The following DENND4C variants were observed in gnomAD, a reference collection of about 807,000 sequenced individuals.
The protein encoded by DENND4C is DENN domain containing 4C.
Under a neutral mutation model 203.0 loss-of-function variants are expected in DENND4C, and 108 were observed. That is an observed-to-expected ratio of 0.53 (90% CI 0.46 to 0.62). The LOEUF is 0.62. DENND4C is among the 20% of genes least tolerant of loss of function. DENND4C has a pLI of 0.00. For missense variants in DENND4C, 2,481 were observed against 2,301.2 expected, an observed-to-expected ratio of 1.08 and a Z score of -1.60; for synonymous variants, 871 against 792.4, an observed-to-expected ratio of 1.10 and a Z score of -1.67.
intron 1 of DENND4C, among the ~76,000 whole-genome samples, chr9:19,267,413 A>G (rs777528103): frequency 1.3e-5 from 2 of 152,202 alleles, no homozygotes; most frequent in Non-Finnish European, 2.9e-5. Context: ...ATCTGATACA[A>G]GTATACCTAC....
rs768255013 is a variant in DENND4C, at chr9:19,369,928, T to C, written c.5616T>C (p.Asn1872=). ...ETIRQSIQHN[N]VLKPINLLSQ... is the part of the protein sequence containing the mutation. ...TCAGGCAGAGTATTCAGCACAATAATGTTCTTAAACCCATCAACCTACTTT... is the reference window on the plus strand; with the variant it reads ...TCAGGCAGAGTATTCAGCACAATAACGTTCTTAAACCCATCAACCTACTTT... Residue 1872 remains asparagine (N), a synonymous_variant, in exon 31 of 33, where the codon AAT becomes AAC. Transcript: ENST00000434457. 5.9e-5 allele frequency: 95 copies of C among 1,613,902 alleles called. No individual in the cohort carries two copies. The highest frequency in any genetic ancestry group is 7.9e-5 in the Non-Finnish European group (93 of 1,179,974).
chr9:19,314,758 A>T (rs769591339), intron 10 of DENND4C, among the ~76,000 whole-genome samples: 1 of 152,210 alleles, frequency 6.6e-6, no homozygotes, highest in Non-Finnish European at 1.5e-5. Context: ...TTCCAGGTTG[A>T]TCCTAAAGCT....
chr9:19,232,458 A>G (rs918084032), intron 1 of DENND4C, among the ~76,000 whole-genome samples: 9 of 152,184 alleles, frequency 5.9e-5, no homozygotes, highest in African/African-American at 2.2e-4. Context: ...GTACAGTACT[A>G]CTATTTAGAC....
intron 10 of DENND4C, among the ~76,000 whole-genome samples, chr9:19,305,961 T>G (rs7048291): frequency 0.83 from 125,698 of 152,164 alleles, 52,072 homozygotes; most frequent in East Asian, 0.99. Flanking sequence ...GTCGGGATTT[T>G]AATTTTATAA....
At chr9:19,314,390 G>T (rs756245942) in intron 10 of DENND4C, among the ~76,000 whole-genome samples, 1 of 152,052 alleles carries the variant, frequency 6.6e-6, no homozygotes, top group Non-Finnish European at 1.5e-5. Context: ...GGAGGTGGAG[G>T]TTGCAGTGAG....
chr9:19,260,438 C>T (rs1219627248), intron 1 of DENND4C, among the ~76,000 whole-genome samples: 1 of 146,856 alleles, frequency 6.8e-6, no homozygotes, highest in Non-Finnish European at 1.5e-5. Flanking sequence ...TGCTGTGTCA[C>T]CCAGGCTGGA....
intron 13 of DENND4C, among the ~76,000 whole-genome samples, chr9:19,324,731 A>G (rs965309040): frequency 1.3e-5 from 2 of 152,152 alleles, no homozygotes; most frequent in African/African-American, 4.8e-5. Context: ...TCATTGATCC[A>G]TTGATTGAAA....
chr9:19,362,940 C>T (rs1029280456), intron 30 of DENND4C, among the ~76,000 whole-genome samples: 5 of 152,154 alleles, frequency 3.3e-5, no homozygotes, highest in Admixed American at 6.5e-5. Flanking sequence ...AAACATTAAG[C>T]AGCTTTCAAA....
At chr9:19,348,907 C>G (rs1329243926) in intron 23 of DENND4C, among the ~76,000 whole-genome samples, 1 of 152,152 alleles carries the variant, frequency 6.6e-6, no homozygotes, top group Admixed American at 6.5e-5. Context: ...CCCCTGGGCT[C>G]AAGCAATCCT....
At chr9:19,280,438 C>G (rs1833827245) in intron 2 of DENND4C, among the ~76,000 whole-genome samples, 2 of 152,168 alleles carry the variant, frequency 1.3e-5, no homozygotes, top group African/African-American at 4.8e-5. Flanking sequence ...AGCCCCTGTG[C>G]CCCGCCGGAA....
chr9:19,311,128 T>A (rs1186588033), intron 10 of DENND4C, among the ~76,000 whole-genome samples: 1 of 152,184 alleles, frequency 6.6e-6, no homozygotes, highest in Non-Finnish European at 1.5e-5. Flanking sequence ...CCAAAGTTTT[T>A]TTCCTTTGTT....
In DENND4C at chr9:19,371,753, TAGG is replaced by T; in HGVS notation, c.5676_5678del (p.Arg1892del). The T allele has an allele frequency of 7.2e-7, 1 of 1,385,032 alleles. No individual in the cohort carries two copies. Among genetic ancestry groups the T allele is most frequent in the Non-Finnish European group, 1.0e-6 (1 of 992,928 alleles). The allele number at this position is 1,385,032 out of a possible 1,614,324, so 85.8% of individuals were successfully genotyped here. ...TGACTTTTAAAACATATTTGTTTTA[TAGG>T]AGTTTATACAGAGAAATCCTCTTCT... On this transcript the variant is annotated splice_acceptor_variant and coding_sequence_variant, in exon 32 of 33. Transcript: ENST00000434457. LOFTEE classifies it high-confidence loss of function.
At chr9:19,275,079 G>A (rs1832602502) in intron 1 of DENND4C, among the ~76,000 whole-genome samples, 1 of 151,848 alleles carries the variant, frequency 6.6e-6, no homozygotes, top group Non-Finnish European at 1.5e-5. Context: ...CCAGGTTCAA[G>A]CGATTCTCCT....
At chr9:19,345,510 A>G (rs1822674942) in intron 22 of DENND4C, among the ~76,000 whole-genome samples, 1 of 152,262 alleles carries the variant, frequency 6.6e-6, no homozygotes, top group Non-Finnish European at 1.5e-5. Flanking sequence ...GAGTATAGCA[A>G]ATATACAATT....
At chr9:19,243,452 C>G (rs1824286913) in intron 1 of DENND4C, among the ~76,000 whole-genome samples, 1 of 152,162 alleles carries the variant, frequency 6.6e-6, no homozygotes, top group South Asian at 2.1e-4. Flanking sequence ...TTACCACAAA[C>G]TAAATGTTCC....
intron 1 of DENND4C, among the ~76,000 whole-genome samples, chr9:19,263,694 A>G (rs1829896127): frequency 6.8e-6 from 1 of 147,454 alleles, no homozygotes; most frequent in African/African-American, 2.6e-5. Flanking sequence ...CGCTCTTGTC[A>G]CCCAGGCTGA....
intron 30 of DENND4C, among the ~76,000 whole-genome samples, chr9:19,365,298 T>A: frequency 6.6e-6 from 1 of 152,084 alleles, no homozygotes; most frequent in Non-Finnish European, 1.5e-5. Flanking sequence ...AAGGACAAAA[T>A]TCACGTGATC....
At chr9:19,283,105 C>A (rs1027652351) in intron 2 of DENND4C, among the ~76,000 whole-genome samples, 1 of 152,044 alleles carries the variant, frequency 6.6e-6, no homozygotes, top group Admixed American at 6.6e-5. Context: ...TGGCCTCAAG[C>A]AATTCTGCAT....
At chr9:19,359,176 C>T (rs1004218193) in intron 28 of DENND4C, among the ~76,000 whole-genome samples, 9 of 151,610 alleles carry the variant, frequency 5.9e-5, no homozygotes, top group Non-Finnish European at 1.0e-4. Flanking sequence ...TGTCATTCTC[C>T]AAGGTCATCA....
Sources: gnomAD v4.1 joint callset for allele counts (sites outside exome capture counted in the v4.1 genomes callset) on GRCh38, gnomAD v4.1.1 for gene constraint, MANE v1.5 for transcripts, NCBI Gene and HGNC (gene_info 2026-07-23, HGNC 2026-07-21) for gene names.